The following SLC12A1 variants were observed in gnomAD, a reference collection of about 807,000 sequenced individuals.
SLC12A1 encodes Na-K-2Cl cotransporter.
Under a neutral mutation model 130.4 loss-of-function variants are expected in SLC12A1, and 89 were observed. The observed-to-expected ratio is 0.68, with a 90% CI of 0.58 to 0.81. The LOEUF is 0.81. Ranked by LOEUF, SLC12A1 falls within the 40% of genes least tolerant of loss-of-function variation. SLC12A1 has a pLI of 0.00. For missense variants in SLC12A1, 1,310 were observed against 1,336.4 expected (o/e 0.98, Z 0.31); for synonymous variants, 499 against 460.0 (o/e 1.08, Z -1.09).
intron 2 of SLC12A1, among the ~76,000 whole-genome samples, chr15:48,213,634 G>A (rs1382018884): frequency 6.6e-6 from 1 of 151,714 alleles, no homozygotes; most frequent in Non-Finnish European, 1.5e-5. Flanking sequence ...CTCCTGAGTA[G>A]CTGGGACTAC....
chr15:48,246,705 G>A (rs750042185), intron 11 of SLC12A1, among the ~76,000 whole-genome samples: 6 of 152,078 alleles, frequency 3.9e-5, no homozygotes, highest in East Asian at 1.9e-4. Context: ...CGCTTGAACC[G>A]GGAGGCAGCG....
intron 20 of SLC12A1, among the ~76,000 whole-genome samples, chr15:48,279,771 C>T (rs60716401): frequency 1.4e-4 from 21 of 152,292 alleles, no homozygotes; most frequent in African/African-American, 5.1e-4. Flanking sequence ...CATGTAAGTA[C>T]AGCATGATTT....
intron 23 of SLC12A1, among the ~76,000 whole-genome samples, chr15:48,289,096 TA>T (rs112086075): frequency 1.3e-3 from 188 of 146,046 alleles, no homozygotes; most frequent in Non-Finnish European, 1.7e-3. Flanking sequence ...AACTCTTAAT[TA>T]AAAAAAAAAA....
intron 2 of SLC12A1, among the ~76,000 whole-genome samples, chr15:48,219,451 G>C (rs2041171589): frequency 6.6e-6 from 1 of 152,092 alleles, no homozygotes; most frequent in African/African-American, 2.4e-5. Flanking sequence ...AGCTACTCTA[G>C]AGGTTGAGGC....
chr15:48,301,856 G>C (rs1334888619), intron 26 of SLC12A1, among the ~76,000 whole-genome samples: 1 of 152,192 alleles, frequency 6.6e-6, no homozygotes, highest in African/African-American at 2.4e-5. Context: ...TTATGCTCTA[G>C]CCTTACAAAT....
intron 18 of SLC12A1, among the ~76,000 whole-genome samples, chr15:48,269,398 T>C (rs1392267818): frequency 1.3e-5 from 2 of 152,218 alleles, no homozygotes; most frequent in African/African-American, 2.4e-5. Context: ...AATGACTGTG[T>C]CAGAAGAAAT....
In SLC12A1 at chr15:48,259,319, C is replaced by G. The variant is rs780441357; in HGVS notation, c.2154+8C>G. ...TGCTGTGAAGTCTTTGTGGTAAGAG[C>G]CACTTCACCCCAGGGAAGTCCTTTT... On this transcript the variant is annotated splice_region_variant and intron_variant, in intron 17 of 26. Coordinates refer to ENST00000380993, the MANE Select transcript of SLC12A1 (RefSeq NM_000338.3). The G allele has an allele frequency of 5.1e-6, 8 of 1,554,198 alleles. No individual in the cohort carries two copies. Among genetic ancestry groups the G allele is most frequent in the African/African-American group, 1.4e-5 (1 of 73,756 alleles).
At chr15:48,227,018 T>G in intron 5 of SLC12A1, 2 of 1,073,764 alleles carry the variant, frequency 1.9e-6, no homozygotes, top group South Asian at 1.4e-5. Flanking sequence ...TGCTGCCTCC[T>G]GAAGTACTGG....
chr15:48,274,233 C>G (rs1701391853), intron 19 of SLC12A1, among the ~76,000 whole-genome samples: 2 of 152,164 alleles, frequency 1.3e-5, no homozygotes, highest in African/African-American at 4.8e-5. Flanking sequence ...TGTAAACTCT[C>G]TGTTCTAAAT....
chr15:48,302,574 T>C (rs544078467), intron 26 of SLC12A1, among the ~76,000 whole-genome samples, 176 bp from the exon 27 acceptor site: 4 of 124,942 alleles, frequency 3.2e-5, no homozygotes, highest in Non-Finnish European at 6.4e-5. Flanking sequence ...GAGCCGAGAT[T>C]GTGCCACTGC....
intron 5 of SLC12A1, chr15:48,227,603 C>A: frequency 5.6e-6 from 1 of 179,408 alleles, no homozygotes; most frequent in Admixed American, 5.8e-5. Context: ...GCTGTGCTCC[C>A]AATGACCAAC....
intron 24 of SLC12A1, among the ~76,000 whole-genome samples, chr15:48,292,622 C>A (rs745939381): frequency 6.6e-6 from 1 of 152,118 alleles, no homozygotes; most frequent in Non-Finnish European, 1.5e-5. Flanking sequence ...TCTGGGAAGT[C>A]CCAGTTCAAG....
intron 9 of SLC12A1, among the ~76,000 whole-genome samples, chr15:48,239,981 G>C (rs1407153690): frequency 1.4e-5 from 2 of 143,410 alleles, no homozygotes; most frequent in Non-Finnish European, 3.0e-5. Context: ...TTAGGTATAA[G>C]ACTGCCTTCC....
intron 13 of SLC12A1, among the ~76,000 whole-genome samples, chr15:48,248,057 T>C (rs2041603747): frequency 6.6e-6 from 1 of 152,178 alleles, no homozygotes; most frequent in African/African-American, 2.4e-5. Flanking sequence ...GAGAGGCACA[T>C]TCATCAACTT....
At chr15:48,302,699 AC>A in intron 26 of SLC12A1, 50 bp from the exon 27 acceptor site, 6 of 1,377,178 alleles carry the variant, frequency 4.4e-6, no homozygotes, top group Non-Finnish European at 6.0e-6. Flanking sequence ...TGCCGTTACT[AC>A]CTATAGTAAT....
chr15:48,274,417 C>T (rs1333466542), intron 19 of SLC12A1, among the ~76,000 whole-genome samples, 154 bp from the exon 20 acceptor site: 3 of 152,154 alleles, frequency 2.0e-5, no homozygotes, highest in Non-Finnish European at 4.4e-5. Flanking sequence ...GAAGAACAAA[C>T]AAACAAACAA....
chr15:48,254,614 AAAAAAAAAAAAAAAAAC>A (rs1468137676), intron 15 of SLC12A1, among the ~76,000 whole-genome samples: 1 of 145,096 alleles, frequency 6.9e-6, no homozygotes, highest in African/African-American at 2.5e-5. Context: ...AAAAAAAAAA[AAAAAAAAAAAAAAAAAC>A]CCAAAAAAGA....
intron 2 of SLC12A1, chr15:48,217,996 G>A (rs1053926800): frequency 2.6e-5 from 4 of 152,148 alleles, no homozygotes; most frequent in African/African-American, 9.7e-5. Context: ...TTTCTGTAGA[G>A]ATAGGGTTTA....
At chr15:48,211,193 T>C (rs576290780) in intron 2 of SLC12A1, among the ~76,000 whole-genome samples, 4 of 152,172 alleles carry the variant, frequency 2.6e-5, no homozygotes, top group Admixed American at 6.5e-5. Flanking sequence ...AAATTGGGAG[T>C]AGAATTCAGA....
Sources: allele counts gnomAD v4.1 joint callset (sites outside exome capture counted in the v4.1 genomes callset), GRCh38; gene constraint gnomAD v4.1.1; transcripts MANE v1.5; gene names NCBI Gene and HGNC (gene_info 2026-07-23, HGNC 2026-07-21).